Variants in RPS6KA5 observed in about 807,000 individuals in gnomAD.
RPS6KA5 encodes the protein ribosomal protein S6 kinase alpha-5.
Under a neutral mutation model 85.5 loss-of-function variants are expected in RPS6KA5, and 27 were observed. The ratio of observed to expected loss-of-function variants is 0.32; its 90% CI spans 0.23 to 0.44. The LOEUF (loss-of-function observed/expected upper bound fraction) is 0.44, where lower values mean the gene tolerates loss of function less well. RPS6KA5 is among the 20% of genes least tolerant of loss of function. RPS6KA5 has a pLI of 1.00. For missense variants in RPS6KA5, 811 were observed against 980.9 expected, an observed-to-expected ratio of 0.83 and a Z score of 2.31; for synonymous variants, 334 against 348.2, an observed-to-expected ratio of 0.96 and a Z score of 0.46.
At chr14:90,955,170 C>T (rs1206481688) in intron 3 of RPS6KA5, among the ~76,000 whole-genome samples, 1 of 152,118 alleles carries the variant, frequency 6.6e-6, no homozygotes, top group Non-Finnish European at 1.5e-5. Context: ...AGGTGGAAGA[C>T]TGGGTTACTG....
chr14:90,999,449 T>C, intron 2 of RPS6KA5, among the ~76,000 whole-genome samples: 1 of 152,122 alleles, frequency 6.6e-6, no homozygotes, highest in East Asian at 1.9e-4. Flanking sequence ...TGGTCTGTCC[T>C]CTGATGCTCT....
chr14:91,008,701 G>A (rs1406013579), intron 1 of RPS6KA5, among the ~76,000 whole-genome samples: 2 of 152,166 alleles, frequency 1.3e-5, no homozygotes, highest in African/African-American at 4.8e-5. Context: ...GAATTTATGT[G>A]AGAAAAACAT....
Position 90,872,330 on chromosome 14 carries a change from G to A in RPS6KA5, c.2161-8C>T. The A allele has an allele frequency of 1.3e-6, 2 of 1,589,254 alleles. No individual in the cohort carries two copies. The highest frequency in any genetic ancestry group is 1.9e-5 in the Admixed American group (1 of 53,040). On this transcript the variant is annotated splice_region_variant and splice_polypyrimidine_tract_variant and intron_variant, in intron 16 of 16. Coordinates refer to ENST00000614987, the MANE Select transcript of RPS6KA5 (RefSeq NM_004755.4). ...CTTGTATTTGTTAAAGGCCTGGCGG[G>A]GGAAAAAAAGGGAACCCCTGTGAAG... is the stretch of plus-strand genomic sequence containing the variant.
chr14:90,960,179 A>C (rs1008720914), intron 3 of RPS6KA5, among the ~76,000 whole-genome samples: 5 of 152,134 alleles, frequency 3.3e-5, no homozygotes, highest in Non-Finnish European at 7.4e-5. Context: ...CATTTCAACA[A>C]GAGCTCTGAC....
At chr14:90,924,600 A>G (rs1203661569) in intron 5 of RPS6KA5, among the ~76,000 whole-genome samples, 1 of 152,236 alleles carries the variant, frequency 6.6e-6, no homozygotes, top group East Asian at 1.9e-4. Flanking sequence ...ATTTATGCCC[A>G]TACTATAAGC....
At chr14:90,965,730 C>A (rs2140435908) in intron 3 of RPS6KA5, among the ~76,000 whole-genome samples, 1 of 152,054 alleles carries the variant, frequency 6.6e-6, no homozygotes, top group East Asian at 1.9e-4. Context: ...AAGACAAGTT[C>A]AGAGAATAAT....
At chr14:90,923,895 T>G (rs2140299569) in intron 5 of RPS6KA5, among the ~76,000 whole-genome samples, 1 of 152,258 alleles carries the variant, frequency 6.6e-6, no homozygotes, top group East Asian at 1.9e-4. Flanking sequence ...AAAAATTATT[T>G]TTTAGATAAT....
At chr14:91,039,904 T>C (rs1246049612) in intron 1 of RPS6KA5, among the ~76,000 whole-genome samples, 1 of 152,218 alleles carries the variant, frequency 6.6e-6, no homozygotes, top group Non-Finnish European at 1.5e-5. Flanking sequence ...AAATAAATGA[T>C]AGCTATTATC....
At chr14:90,873,553 A>G in intron 16 of RPS6KA5, 79 bp downstream of exon 16, 1 of 1,271,868 alleles carries the variant, frequency 7.9e-7, no homozygotes, top group Non-Finnish European at 1.1e-6. Flanking sequence ...AAGAAAACGT[A>G]TCTGAGGCTA....
chr14:90,862,274 T>C lies in RPS6KA5; in HGVS notation c.*9800A>G, dbSNP rs1250338276. 1 of 152,180 alleles carries C rather than the reference T, an allele frequency of 6.6e-6. No homozygotes were observed. The highest frequency in any genetic ancestry group is 2.4e-5 in the African/African-American group (1 of 41,428). 9.4% of individuals were successfully genotyped at this position (152,180 alleles called of 1,614,324 possible). On this transcript the variant is annotated 3_prime_UTR_variant, in exon 17 of 17. Coordinates refer to ENST00000614987, the MANE Select transcript of RPS6KA5 (RefSeq NM_004755.4). Reference sequence around the variant, plus strand: ...TTCAAGTGGCTTCAATGGTGAATTATTTTAAACAGGAGGAATAATATCAGG... The same window carrying C: ...TTCAAGTGGCTTCAATGGTGAATTACTTTAAACAGGAGGAATAATATCAGG...
chr14:91,048,172 A>G (rs1214915325), intron 1 of RPS6KA5, among the ~76,000 whole-genome samples: 1 of 152,174 alleles, frequency 6.6e-6, no homozygotes, highest in African/African-American at 2.4e-5. Flanking sequence ...AGCTACCTAA[A>G]TTGTAAGAAT....
At chr14:91,051,308 G>A (rs2043070684) in intron 1 of RPS6KA5, among the ~76,000 whole-genome samples, 1 of 151,692 alleles carries the variant, frequency 6.6e-6, no homozygotes, top group South Asian at 2.1e-4. Flanking sequence ...GCCGGGAATG[G>A]TGGCTCATAC....
chr14:90,914,497 T>C (rs2036007724), intron 7 of RPS6KA5, among the ~76,000 whole-genome samples: 1 of 151,950 alleles, frequency 6.6e-6, no homozygotes, highest in Middle Eastern at 3.4e-3. Context: ...TAATCTTTAG[T>C]AGAGATGGGG....
chr14:90,983,817 G>GTCTC (rs531667852), intron 2 of RPS6KA5, among the ~76,000 whole-genome samples: 37,646 of 108,782 alleles, frequency 0.35, 7,237 homozygotes, highest in East Asian at 0.46. Context: ...CTCTCTCTCT[G>GTCTC]TCTCTCTCTC....
rs2033133193 is a variant in RPS6KA5, at chr14:90,871,866, A to G, written c.*208T>C. 3 of 538,518 alleles carry G rather than the reference A, an allele frequency of 5.6e-6. No individual in the cohort carries two copies. Among genetic ancestry groups the G allele is most frequent in the Non-Finnish European group, 9.4e-6 (3 of 318,070 alleles). The allele number at this position is 538,518 out of a possible 1,614,324, so 33.4% of individuals were successfully genotyped here. On this transcript the variant is annotated 3_prime_UTR_variant, in exon 17 of 17. Coordinates refer to ENST00000614987, the MANE Select transcript of RPS6KA5 (RefSeq NM_004755.4). ...TGTTGGCATCATGCTAGGTTGCTAA[A>G]AAGAGTAATATGTGCTCTATTCACA...
Position 90,868,411 on chromosome 14 carries a change from AG to A in RPS6KA5, c.*3662del, listed in dbSNP as rs1334213008. The stretch of plus-strand genomic sequence containing the variant: ...GGTATTATCATGTAAGACATTTGAG[AG>A]GCCAAAAGTCATATAATTTTAAGAT... On this transcript the variant is annotated 3_prime_UTR_variant, in exon 17 of 17. Transcript: ENST00000614987. The A allele has an allele frequency of 6.6e-6, 1 of 152,222 alleles. No individual in the cohort carries two copies. The highest frequency in any genetic ancestry group is 2.4e-5 in the African/African-American group (1 of 41,458). 9.4% of individuals were successfully genotyped at this position (152,222 alleles called of 1,614,324 possible).
chr14:91,023,865 T>C (rs975844519), intron 1 of RPS6KA5, among the ~76,000 whole-genome samples: 6 of 152,350 alleles, frequency 3.9e-5, no homozygotes, highest in African/African-American at 1.2e-4. Context: ...ATTAATAGGA[T>C]ATATCTCAGA....
chr14:90,946,698 T>C (rs1167418286), intron 4 of RPS6KA5, among the ~76,000 whole-genome samples: 1 of 152,194 alleles, frequency 6.6e-6, no homozygotes, highest in African/African-American at 2.4e-5. Flanking sequence ...AAAAATTACT[T>C]GAGTACTTTC....
At chr14:90,897,252 C>T (rs2034890984) in intron 12 of RPS6KA5, among the ~76,000 whole-genome samples, 1 of 152,122 alleles carries the variant, frequency 6.6e-6, no homozygotes, top group Non-Finnish European at 1.5e-5. Context: ...ACTCACCTCC[C>T]GCTGTGCACC....
Sources: gnomAD v4.1 joint callset for allele counts (sites outside exome capture counted in the v4.1 genomes callset) on GRCh38, gnomAD v4.1.1 for gene constraint, MANE v1.5 for transcripts, NCBI Gene and HGNC (gene_info 2026-07-23, HGNC 2026-07-21) for gene names.